Variants in CARD9 observed in about 807,000 individuals in gnomAD.
CARD9 encodes the protein caspase recruitment domain family member 9.
A neutral mutation model predicts 66.0 loss-of-function variants in CARD9; 53 were observed. That is an observed-to-expected ratio of 0.80 (90% CI 0.64 to 1.01). CARD9 has a LOEUF of 1.01. Among genes scored for constraint, CARD9 ranks in the 50% least tolerant of loss-of-function variants. The pLI is 0.00. For missense variants in CARD9, 769 were observed against 743.2 expected, an observed-to-expected ratio of 1.03 and a Z score of -0.40; for synonymous variants, 387 against 313.8, an observed-to-expected ratio of 1.23 and a Z score of -2.47.
At chr9:136,367,079 A>T in intron 9 of CARD9, 137 bp downstream of exon 9, 1 of 1,140,368 alleles carries the variant, frequency 8.8e-7, no homozygotes, top group Non-Finnish European at 1.3e-6. Context: ...GCATTTGGCC[A>T]CCTGCTCTTC....
chr9:136,364,035 TG>T lies in CARD9; in HGVS notation c.*266del. ...ATGCATGCATGTATTGTGTGTTACA[TG>T]GTGAAACAGAACAGATCCTGAAGTT... On this transcript the variant is annotated 3_prime_UTR_variant, in exon 13 of 13. Transcript: ENST00000371732. 6.7e-7 allele frequency: 1 copy of T among 1,484,056 alleles called. No homozygotes were observed. Among genetic ancestry groups the T allele is most frequent in the South Asian group, 1.2e-5 (1 of 82,704 alleles). The allele number at this position is 1,484,056 out of a possible 1,614,324, so 91.9% of individuals were successfully genotyped here. A position where few individuals can be genotyped will look rare whatever the true frequency, so the allele number is the denominator to read the frequency against.
chr9:136,367,544 T>C (rs1400446546), intron 8 of CARD9, 93 bp downstream of exon 8: 2 of 1,424,676 alleles, frequency 1.4e-6, no homozygotes, highest in Non-Finnish European at 1.9e-6. Context: ...CAGAGAAGGG[T>C]TGGGTCGGGA....
chr9:136,372,421 A>G (rs758222417), intron 1 of CARD9, among the ~76,000 whole-genome samples: 4 of 151,726 alleles, frequency 2.6e-5, no homozygotes, highest in Non-Finnish European at 5.9e-5. Context: ...TGAGAGAGGA[A>G]CTCCCCCTAC....
At chr9:136,369,722 G>A in intron 7 of CARD9, 28 bp downstream of exon 7, 1 of 1,572,914 alleles carries the variant, frequency 6.4e-7, no homozygotes. Flanking sequence ...CGAGTGGGGT[G>A]CTTTGTCCTG....
intron 8 of CARD9, 91 bp downstream of exon 8, chr9:136,367,546 G>A (rs1395817192): frequency 2.1e-6 from 3 of 1,427,644 alleles, no homozygotes; most frequent in South Asian, 2.6e-5. Flanking sequence ...GAGAAGGGTT[G>A]GGTCGGGAAG....
rs1459891806 is a variant in CARD9, at chr9:136,364,128, A to G, written c.*174T>C. 2 of 1,550,560 alleles carry G rather than the reference A, an allele frequency of 1.3e-6. No homozygotes were observed. Among genetic ancestry groups the G allele is most frequent in the African/African-American group, 2.7e-5 (2 of 73,182 alleles). ...GCCTCCGCAAAATGAGTGCCGCTTA[A>G]CAAACGGCCCCAATGCCCGGCAGTC... On this transcript the variant is annotated 3_prime_UTR_variant, in exon 13 of 13. Coordinates refer to ENST00000371732, the MANE Select transcript of CARD9 (RefSeq NM_052813.5).
rs759124891 is a variant in CARD9 at position 136,367,259 on chromosome 9, T to C, written c.1270-2A>G. 1 of 1,612,674 alleles carries C rather than the reference T, an allele frequency of 6.2e-7. No homozygotes were observed. ...TGAGCCATCTTCCAGGTCGGAGCTC[T>C]GTGGTCATAGAAAATGGGGTGGGTG... On this transcript the variant is annotated splice_acceptor_variant, in intron 8 of 12. Coordinates refer to ENST00000371732, the MANE Select transcript of CARD9 (RefSeq NM_052813.5). LOFTEE classifies it high-confidence loss of function.
chr9:136,364,881 C>G, intron 11 of CARD9: 2 of 595,756 alleles, frequency 3.4e-6, no homozygotes, highest in South Asian at 4.1e-5. Flanking sequence ...TCCTCATCCA[C>G]TGTAAAGGCC....
rs1055466955 is a variant in CARD9 at position 136,373,586 on chromosome 9, C to A, written c.-71G>T. 1.1e-5 allele frequency: 11 copies of A among 984,700 alleles called. No individual in the cohort carries two copies. Among genetic ancestry groups the A allele is most frequent in the African/African-American group, 3.6e-5 (2 of 56,300 alleles). 61.0% of individuals were successfully genotyped at this position (984,700 alleles called of 1,614,324 possible). On this transcript the variant is annotated 5_prime_UTR_variant, in exon 1 of 13. Coordinates refer to ENST00000371732, the MANE Select transcript of CARD9 (RefSeq NM_052813.5). The stretch of plus-strand genomic sequence containing the variant: ...GCAGACACACCAGGAGCCTGGGCCG[C>A]GGAGCCTCTGGGAGATGCTGCCCGG...
At chr9:136,370,273 T>C in intron 6 of CARD9, 21 bp downstream of exon 6, 1 of 1,593,354 alleles carries the variant, frequency 6.3e-7, no homozygotes, top group Non-Finnish European at 8.5e-7. Context: ...AGGGGCCATG[T>C]CTCCCCGCCT....
rs750996208 is a variant in CARD9, at chr9:136,370,857, C to T, written c.611G>A (p.Arg204His). The T allele has an allele frequency of 7.5e-6, 12 of 1,597,780 alleles. No homozygotes were observed. Among genetic ancestry groups the T allele is most frequent in the Middle Eastern group, 1.7e-4 (1 of 6,000 alleles). The change falls in exon 4 of 13, where the codon CGT becomes CAT. Residue 204 changes from arginine (R) to histidine (H), a missense_variant. Arg to His is a conservative substitution (Grantham distance 29). Coordinates refer to ENST00000371732, the MANE Select transcript of CARD9 (RefSeq NM_052813.5). ...EEKGAALMRN[R>H]DLQLEIDQLK... is the part of the protein sequence containing the mutation. ...CGGGCGCACCTCCAGCTGCAGGTCA[C>T]GGTTCCGCATGAGCGCGGCGCCCTT... is the stretch of plus-strand genomic sequence containing the variant.
chr9:136,367,481 C>T (rs3812555), intron 8 of CARD9, 156 bp downstream of exon 8: 282,163 of 998,756 alleles, frequency 0.28, 41,655 homozygotes, highest in Admixed American at 0.39. Context: ...CTGAACTGCT[C>T]GTGTGCCCTC....
At chr9:136,373,014 G>A (rs959340966) in intron 1 of CARD9, among the ~76,000 whole-genome samples, 6 of 152,218 alleles carry the variant, frequency 3.9e-5, no homozygotes, top group Non-Finnish European at 2.9e-5. Context: ...CCAGCATGGT[G>A]GGGGCCTCAG....
chr9:136,368,941 T>G (rs1358886726), intron 7 of CARD9, among the ~76,000 whole-genome samples: 1 of 152,134 alleles, frequency 6.6e-6, no homozygotes, highest in East Asian at 1.9e-4. Flanking sequence ...TGCCTCAGCC[T>G]CCTGAGTAGC....
intron 6 of CARD9, 127 bp downstream of exon 6, chr9:136,370,167 A>T: frequency 4.7e-6 from 7 of 1,480,214 alleles, no homozygotes; most frequent in Non-Finnish European, 6.3e-6. Context: ...TGCCTCCAGG[A>T]GTGGGTGAGT....
At chr9:136,371,686 C>T (rs576917056) in intron 2 of CARD9, among the ~76,000 whole-genome samples, 10 of 152,176 alleles carry the variant, frequency 6.6e-5, no homozygotes, top group African/African-American at 2.2e-4. Context: ...GTGGGAGCCC[C>T]GCTGCCCCTC....
In CARD9 at chr9:136,364,347, C is replaced by T. The variant is rs1430021662; in HGVS notation, c.1566G>A (p.Arg522=). The change falls in exon 13 of 13, where the codon CGG becomes CGA. Residue 522 remains arginine (R), a synonymous_variant. Transcript: ENST00000371732. ...TGTTGTCGCTGCCCGTGGTGTTCTC[C>T]CGGTCCTCCTCCCCCTGCCGCCATC... The part of the protein sequence containing the change: ...QKGWRQGEED[R]ENTTGSDNTD... 1.3e-6 allele frequency: 2 copies of T among 1,569,614 alleles called. No individual in the cohort carries two copies.
chr9:136,369,788 G>A lies in CARD9; in HGVS notation c.1039C>T (p.Leu347=), dbSNP rs1441327325. ...ATGGCGACCTCCTCCATCTGCAGCA[G>A]GATGGCCTCGATGCGGTCCTTGTAC... ...KMYKDRIEAI[L]LQMEEVAIER... The change falls in exon 7 of 13, where the codon CTG becomes TTG. Residue 347 remains leucine (L), a synonymous_variant. Coordinates refer to ENST00000371732, the MANE Select transcript of CARD9 (RefSeq NM_052813.5). 6.2e-7 allele frequency: 1 copy of A among 1,611,288 alleles called. No homozygotes were observed. Among genetic ancestry groups the A allele is most frequent in the African/African-American group, 1.3e-5 (1 of 74,938 alleles).
chr9:136,369,794 C>A lies in CARD9; in HGVS notation c.1033G>T (p.Ala345Ser). 1 of 1,611,792 alleles carries A rather than the reference C, an allele frequency of 6.2e-7. No individual in the cohort carries two copies. The highest frequency in any genetic ancestry group is 8.5e-7 in the Non-Finnish European group (1 of 1,179,634). Residue 345 changes from alanine to serine, a missense_variant, in exon 7 of 13, where the codon GCC (alanine) becomes TCC (serine). Transcript: ENST00000371732. Reference sequence around the variant, plus strand: ...ACCTCCTCCATCTGCAGCAGGATGGCCTCGATGCGGTCCTTGTACATCTTG... The same window carrying A: ...ACCTCCTCCATCTGCAGCAGGATGGACTCGATGCGGTCCTTGTACATCTTG... ...DSKMYKDRIE[A>S]ILLQMEEVAI...
Sources: allele counts gnomAD v4.1 joint callset (sites outside exome capture counted in the v4.1 genomes callset), GRCh38; gene constraint gnomAD v4.1.1; transcripts MANE v1.5; gene names NCBI Gene and HGNC (gene_info 2026-07-23, HGNC 2026-07-21).